Variants in DNMT3B observed in about 807,000 individuals in gnomAD.
DNMT3B encodes DNA methyltransferase 3 beta, also known as DNA (cytosine-5)-methyltransferase 3B.
DNMT3B carries 37 observed loss-of-function variants against 120.2 expected under a neutral mutation model. That is an observed-to-expected ratio of 0.31 (90% CI 0.24 to 0.40). DNMT3B has a LOEUF of 0.40. DNMT3B is among the 10% of genes least tolerant of loss of function. The pLI is 1.00. For synonymous variants in DNMT3B, 412 were observed against 442.8 expected, an observed-to-expected ratio of 0.93 and a Z score of 0.87; for missense variants, 878 against 1,137.3, an observed-to-expected ratio of 0.77 and a Z score of 3.28.
At chr20:32,770,125 A>C (rs1241696871) in intron 1 of DNMT3B, among the ~76,000 whole-genome samples, 3 of 151,706 alleles carry the variant, frequency 2.0e-5, no homozygotes, top group Non-Finnish European at 4.4e-5. Context: ...AAAAAAAATT[A>C]TTTTTGAGAC....
intron 1 of DNMT3B, among the ~76,000 whole-genome samples, chr20:32,769,521 G>A (rs1290250572): frequency 6.6e-6 from 1 of 152,186 alleles, no homozygotes; most frequent in Non-Finnish European, 1.5e-5. Context: ...TTACAGGCCT[G>A]CTTCTTGACC....
intron 1 of DNMT3B, among the ~76,000 whole-genome samples, chr20:32,765,818 C>T (rs530941425): frequency 2.2e-5 from 3 of 134,678 alleles, no homozygotes; most frequent in Non-Finnish European, 3.1e-5. Flanking sequence ...TGCAGTGGCG[C>T]GATCTCCGCT....
In DNMT3B at chr20:32,787,306, TCACAGACGA is replaced by T. The variant is rs757382888; in HGVS notation, c.516_524del (p.Asp172_Thr174del). The T allele has an allele frequency of 2.5e-5, 40 of 1,614,104 alleles. No homozygotes were observed. Among genetic ancestry groups the T allele is most frequent in the East Asian group, 8.9e-5 (4 of 44,880 alleles). ...CCCAGCTCTTACCTTACCATCGACC[TCACAGACGA>T]CACAGAGGACACACATGGGACGCCC... On this transcript the variant is annotated inframe_deletion, in exon 6 of 23. Coordinates refer to ENST00000328111, the MANE Select transcript of DNMT3B (RefSeq NM_006892.4).
chr20:32,792,567 G>A (rs1980099610), intron 8 of DNMT3B, 59 bp from the exon 9 acceptor site: 3 of 1,613,098 alleles, frequency 1.9e-6, no homozygotes, highest in Admixed American at 1.7e-5. Context: ...ATCCCTGGGT[G>A]TGGCCTGGCG....
intron 4 of DNMT3B, among the ~76,000 whole-genome samples, chr20:32,785,335 C>T (rs1259061093): frequency 6.6e-6 from 1 of 152,160 alleles, no homozygotes; most frequent in Non-Finnish European, 1.5e-5. Context: ...CCACTGCGCC[C>T]GGCTGGAAGG....
chr20:32,788,806 A>T (rs768933791), intron 6 of DNMT3B, 48 bp from the exon 7 acceptor site: 12 of 1,613,650 alleles, frequency 7.4e-6, no homozygotes, highest in South Asian at 1.1e-5. Context: ...GACTTGGCCC[A>T]GGATGGCCTC....
Position 32,807,828 on chromosome 20 carries a change from G to C in DNMT3B, c.2487G>C (p.Leu829=). The C allele has an allele frequency of 6.2e-7, 1 of 1,614,230 alleles. No homozygotes were observed. The highest frequency in any genetic ancestry group is 1.3e-5 in the African/African-American group (1 of 75,058). The change falls in exon 23 of 23, where the codon CTG becomes CTC. Residue 829 remains leucine (L), a synonymous_variant. Coordinates refer to ENST00000328111, the MANE Select transcript of DNMT3B (RefSeq NM_006892.4). Reference sequence around the variant, plus strand: ...TGGGCCGTGGTGCCCGCCAGAAGCTGCTGGGAAGGTCCTGGAGCGTGCCTG... The same window carrying C: ...TGGGCCGTGGTGCCCGCCAGAAGCTCCTGGGAAGGTCCTGGAGCGTGCCTG... ...SNMGRGARQK[L]LGRSWSVPVI...
intron 7 of DNMT3B, among the ~76,000 whole-genome samples, chr20:32,789,982 A>T (rs1046662031): frequency 1.8e-4 from 27 of 152,216 alleles, no homozygotes; most frequent in African/African-American, 6.0e-4. Flanking sequence ...AGAGAGGCTA[A>T]GTTAGGTGCC....
At chr20:32,789,131 G>A in intron 7 of DNMT3B, 119 bp downstream of exon 7, 4 of 1,430,022 alleles carry the variant, frequency 2.8e-6, no homozygotes, top group Non-Finnish European at 2.8e-6. Context: ...CCTTCACACT[G>A]TCTGGGAGGA....
intron 1 of DNMT3B, among the ~76,000 whole-genome samples, chr20:32,778,410 T>C (rs1003295642): frequency 6.6e-6 from 1 of 151,646 alleles, no homozygotes; most frequent in Non-Finnish European, 1.5e-5. Flanking sequence ...TCTAGCTTAG[T>C]GGTGGAGATT....
At chr20:32,777,864 G>A (rs992257912) in intron 1 of DNMT3B, among the ~76,000 whole-genome samples, 1 of 152,226 alleles carries the variant, frequency 6.6e-6, no homozygotes, top group African/African-American at 2.4e-5. Flanking sequence ...ATTCAGGCAC[G>A]TCCCTTGTCC....
At chr20:32,802,112 C>T (rs377726219) in intron 19 of DNMT3B, among the ~76,000 whole-genome samples, 106 of 152,050 alleles carry the variant, frequency 7.0e-4, no homozygotes, top group African/African-American at 2.5e-3. Flanking sequence ...CTTGAGCCCA[C>T]GGTGTATCAT....
At position 32,806,308 on chromosome 20, in the gene DNMT3B, T is replaced by A; in HGVS notation, c.2401T>A (p.Trp801Arg). ...VVMNGKEDVL[W>R]CTELERIFGF... ...CATGAATGGCAAAGAAGATGTTTTG[T>A]GGTGCACTGAGCTCGAAAGGTGAGC... Residue 801 changes from tryptophan (W) to arginine (R), a missense_variant, in exon 22 of 23, where the codon TGG (tryptophan) becomes AGG (arginine). Transcript: ENST00000328111. 1 of 1,614,234 alleles carries A rather than the reference T, an allele frequency of 6.2e-7. No individual in the cohort carries two copies. The highest frequency in any genetic ancestry group is 1.3e-5 in the African/African-American group (1 of 75,054).
At chr20:32,780,178 G>C (rs367677856) in intron 1 of DNMT3B, 140 bp from the exon 2 acceptor site, 2 of 1,612,980 alleles carry the variant, frequency 1.2e-6, no homozygotes, top group Non-Finnish European at 1.7e-6. Context: ...CAGCCTGGGT[G>C]GGGTACTTGG....
chr20:32,800,885 C>T lies in DNMT3B; in HGVS notation c.1956C>T (p.Asn652=), dbSNP rs766235773. The T allele has an allele frequency of 7.4e-6, 12 of 1,614,104 alleles. No homozygotes were observed. In the East Asian group the frequency reaches 1.1e-4, roughly 15 times the overall value. Residue 652 remains asparagine (N), a synonymous_variant, in exon 18 of 23, where the codon AAC becomes AAT. Transcript: ENST00000328111. ...FDLVIGGSPC[N]DLSNVNPARK... Reference sequence around the variant, plus strand: ...TGGTGATTGGCGGAAGCCCATGCAACGATCTCTCAAATGTGAATCCAGCCA... The same window carrying T: ...TGGTGATTGGCGGAAGCCCATGCAATGATCTCTCAAATGTGAATCCAGCCA...
chr20:32,796,468 C>T lies in DNMT3B; in HGVS notation c.1298-322C>T, dbSNP rs1980634603. On this transcript the variant is annotated intron_variant, in intron 12 of 22. Transcript: ENST00000328111. ...CATGAGACAACAAGCCAATTGGAGTCACCACAAAATCCTTAGTGTCCCAGT... is the reference window on the plus strand; with the variant it reads ...CATGAGACAACAAGCCAATTGGAGTTACCACAAAATCCTTAGTGTCCCAGT... 3.3e-5 allele frequency among the ~76,000 whole-genome samples: 5 copies of T among 152,324 alleles called. No homozygotes were observed. The South Asian group carries it at 6.2e-4, about 19-fold the overall frequency.
intron 6 of DNMT3B, 57 bp downstream of exon 6, chr20:32,787,508 A>T (rs1462065472): frequency 1.9e-6 from 3 of 1,557,066 alleles, no homozygotes; most frequent in African/African-American, 1.4e-5. Context: ...CACGGGGAAA[A>T]ACCAGTTACC....
intron 1 of DNMT3B, among the ~76,000 whole-genome samples, chr20:32,767,996 C>T (rs913347742): frequency 9.2e-5 from 14 of 152,178 alleles, no homozygotes; most frequent in African/African-American, 2.7e-4. Context: ...CTTTGTAGGG[C>T]GTTTGCTGCA....
chr20:32,774,876 G>A (rs1042075704), intron 1 of DNMT3B, among the ~76,000 whole-genome samples: 2 of 151,806 alleles, frequency 1.3e-5, no homozygotes, highest in Non-Finnish European at 2.9e-5. Flanking sequence ...CCACCACCAC[G>A]ACCGGCTAAT....
Sources: gnomAD v4.1 joint callset for allele counts (sites outside exome capture counted in the v4.1 genomes callset) on GRCh38, gnomAD v4.1.1 for gene constraint, MANE v1.5 for transcripts, NCBI Gene and HGNC (gene_info 2026-07-23, HGNC 2026-07-21) for gene names.